FSTL5: variants seen among roughly 807,000 people sequenced by gnomAD.
FSTL5 encodes follistatin like 5.
In FSTL5, 62 loss-of-function variants were observed where a neutral mutation model predicts 89.1. That is an observed-to-expected ratio of 0.70 (90% CI 0.57 to 0.86). FSTL5 has a LOEUF of 0.86. Among genes scored for constraint, FSTL5 ranks in the 40% least tolerant of loss-of-function variants. FSTL5 has a pLI of 0.00. For synonymous variants in FSTL5, 383 were observed against 346.2 expected (o/e 1.11, Z -1.18); for missense variants, 1,057 against 1,001.6 (o/e 1.06, Z -0.75).
At chr4:162,123,417 G>A (rs921929017) in intron 1 of FSTL5, among the ~76,000 whole-genome samples, 1 of 152,168 alleles carries the variant, frequency 6.6e-6, no homozygotes. Flanking sequence ...CAGAAAGAGA[G>A]ATGTGGCCAT....
At chr4:161,676,267 T>C (rs568886763) in intron 6 of FSTL5, among the ~76,000 whole-genome samples, 1 of 152,192 alleles carries the variant, frequency 6.6e-6, no homozygotes, top group South Asian at 2.1e-4. Flanking sequence ...TGCCCATCAA[T>C]GATAGACTGG....
chr4:161,851,684 G>A (rs971303925), intron 4 of FSTL5, among the ~76,000 whole-genome samples: 3 of 151,868 alleles, frequency 2.0e-5, no homozygotes, highest in African/African-American at 7.3e-5. Context: ...TTGTTAACAG[G>A]AAATTTTATA....
chr4:161,928,347 T>A (rs10027613), intron 3 of FSTL5, among the ~76,000 whole-genome samples: 27,914 of 151,810 alleles, frequency 0.18, 3,073 homozygotes, highest in South Asian at 0.23. Flanking sequence ...TTTGGCATTG[T>A]AAATAAAGTG....
intron 4 of FSTL5, among the ~76,000 whole-genome samples, chr4:161,831,501 G>A (rs1730843324): frequency 6.6e-6 from 1 of 151,012 alleles, no homozygotes; most frequent in South Asian, 2.1e-4. Context: ...AATATCCAAG[G>A]TTACTTGCTG....
intron 6 of FSTL5, among the ~76,000 whole-genome samples, chr4:161,719,975 C>T (rs1343634233): frequency 6.6e-6 from 1 of 152,084 alleles, no homozygotes; most frequent in Admixed American, 6.5e-5. Context: ...AGGAAAAAAC[C>T]TTATTGACAT....
intron 2 of FSTL5, among the ~76,000 whole-genome samples, chr4:162,063,270 G>T (rs993862810): frequency 1.3e-5 from 2 of 151,020 alleles, no homozygotes; most frequent in Admixed American, 6.6e-5. Flanking sequence ...ATCTGTTTTT[G>T]TTCAAAAATA....
rs75408644 is a variant in FSTL5 at position 161,768,630 on chromosome 4, T to C, written c.606+7248A>G. 2.9e-4 allele frequency among the ~76,000 whole-genome samples: 44 copies of C among 152,142 alleles called. No homozygotes were observed. The East Asian group carries it at 7.9e-3, about 27-fold the overall frequency. ...GTAAACCCACCGTCTATCTCTCTTA[T>C]ACATCTTCAATCAAATATTCATGCC... On this transcript the variant is annotated intron_variant, in intron 5 of 15. Coordinates refer to ENST00000306100, the MANE Select transcript of FSTL5 (RefSeq NM_020116.5).
At chr4:161,569,790 CA>C (rs368515170) in intron 8 of FSTL5, among the ~76,000 whole-genome samples, 203 of 140,488 alleles carry the variant, frequency 1.4e-3, no homozygotes, top group South Asian at 9.9e-3. Flanking sequence ...CACACACACA[CA>C]CACACACACC....
intron 3 of FSTL5, among the ~76,000 whole-genome samples, chr4:161,977,612 C>CAAAAAAAA (rs796909244): frequency 3.5e-4 from 33 of 95,108 alleles, no homozygotes; most frequent in Admixed American, 4.7e-4. Context: ...GACTCCGTGT[C>CAAAAAAAA]AAAAAAAAAA....
intron 15 of FSTL5, among the ~76,000 whole-genome samples, chr4:161,440,249 C>A (rs1732713487): frequency 6.6e-6 from 1 of 152,006 alleles, no homozygotes; most frequent in African/African-American, 2.4e-5. Context: ...AATTTTTGTA[C>A]AGAACGTAAT....
intron 15 of FSTL5, among the ~76,000 whole-genome samples, chr4:161,449,264 T>A (rs550454549): frequency 6.6e-6 from 1 of 152,192 alleles, no homozygotes; most frequent in East Asian, 1.9e-4. Flanking sequence ...CACTACATAA[T>A]CAACCAATGA....
intron 3 of FSTL5, among the ~76,000 whole-genome samples, chr4:161,921,133 T>G (rs1733983470): frequency 6.6e-6 from 1 of 152,144 alleles, no homozygotes; most frequent in African/African-American, 2.4e-5. Context: ...TGTTAGCTTT[T>G]ACAGTAACAG....
chr4:161,871,080 T>C (rs17458447), intron 4 of FSTL5, among the ~76,000 whole-genome samples: 38,038 of 152,106 alleles, frequency 0.25, 5,321 homozygotes, highest in Non-Finnish European at 0.3. Flanking sequence ...ATATGCATTA[T>C]ATGAATATCT....
At position 161,777,414 on chromosome 4, in the gene FSTL5, G is replaced by C. The variant is rs1741448548; in HGVS notation, c.410-1340C>G. Among the ~76,000 whole-genome samples, 4 of 151,938 alleles carry C rather than the reference G, an allele frequency of 2.6e-5. No homozygotes were observed. In the South Asian group the frequency reaches 8.3e-4, roughly 31 times the overall value. On this transcript the variant is annotated intron_variant, in intron 4 of 15. Transcript: ENST00000306100. ...CTGTCTTTTGAGTATATATCCAGCA[G>C]TGGGATTGCCTGTAAACTGCTGGTG...
At chr4:161,436,292 C>A (rs1732559169) in intron 15 of FSTL5, among the ~76,000 whole-genome samples, 1 of 152,166 alleles carries the variant, frequency 6.6e-6, no homozygotes, top group African/African-American at 2.4e-5. Context: ...TTCTTCCTCC[C>A]TTTCTCAGGA....
intron 4 of FSTL5, among the ~76,000 whole-genome samples, chr4:161,792,762 G>C (rs1316746504): frequency 1.3e-5 from 2 of 152,168 alleles, no homozygotes; most frequent in African/African-American, 4.8e-5. Flanking sequence ...CTGCTGCTCA[G>C]TGAAACTCCT....
intron 6 of FSTL5, among the ~76,000 whole-genome samples, chr4:161,684,705 C>T (rs1737653736): frequency 6.6e-6 from 1 of 152,070 alleles, no homozygotes; most frequent in African/African-American, 2.4e-5. Flanking sequence ...TTTTCTCCTA[C>T]TCTCTGGGTT....
intron 6 of FSTL5, among the ~76,000 whole-genome samples, chr4:161,731,774 T>G (rs1196645503): frequency 2.0e-5 from 3 of 151,716 alleles, no homozygotes; most frequent in African/African-American, 7.3e-5. Flanking sequence ...TCGTCTGCCC[T>G]CTTTTACTCA....
At chr4:161,427,149 T>G (rs10007718) in intron 15 of FSTL5, among the ~76,000 whole-genome samples, 18 of 152,354 alleles carry the variant, frequency 1.2e-4, no homozygotes, top group East Asian at 9.7e-4. Context: ...TAAATTTCCT[T>G]AGAAAAGGCT....
Sources: gnomAD v4.1 joint callset for allele counts (sites outside exome capture counted in the v4.1 genomes callset) on GRCh38, gnomAD v4.1.1 for gene constraint, MANE v1.5 for transcripts, NCBI Gene and HGNC (gene_info 2026-07-23, HGNC 2026-07-21) for gene names.